The following TENM3 variants were observed in gnomAD, a reference collection of about 807,000 sequenced individuals.
TENM3 encodes the protein teneurin-3.
In TENM3, 63 loss-of-function variants were observed where a neutral mutation model predicts 255.1. The observed-to-expected ratio is 0.25, with a 90% confidence interval of 0.20 to 0.30. The LOEUF is 0.30. TENM3 is among the 10% of genes least tolerant of loss of function. The pLI is 1.00. For synonymous variants in TENM3, 1,306 were observed against 1,322.3 expected (o/e 0.99, Z 0.27); for missense variants, 2,929 against 3,461.1 (o/e 0.85, Z 3.86).
chr4:181,731,869 A>T, the TENM3 span, among the ~76,000 whole-genome samples: 6 of 152,202 alleles, frequency 3.9e-5, 1 homozygote, highest in African/African-American at 1.4e-4. Flanking sequence ...AATAAATTTT[A>T]CATGGAAAAT....
intron 1 of TENM3, among the ~76,000 whole-genome samples, chr4:182,162,851 C>T (rs777602649): frequency 3.3e-5 from 5 of 152,160 alleles, no homozygotes; most frequent in Admixed American, 2.0e-4. Context: ...GCAGAGCCTT[C>T]GCGGCCTAAT....
chr4:182,610,552 A>C (rs11726016), intron 4 of TENM3, among the ~76,000 whole-genome samples: 19 of 151,766 alleles, frequency 1.3e-4, no homozygotes, highest in African/African-American at 4.4e-4. Context: ...GTTTGGTAGC[A>C]TGTGCCTATA....
chr4:182,590,538 C>CAGA (rs1746502540), intron 3 of TENM3, among the ~76,000 whole-genome samples: 1 of 79,962 alleles, frequency 1.3e-5, no homozygotes, highest in African/African-American at 5.1e-5. Flanking sequence ...GACCCTGTCT[C>CAGA]AAAAAAAAAA....
the TENM3 span, among the ~76,000 whole-genome samples, chr4:181,658,729 T>G: frequency 6.6e-6 from 1 of 152,190 alleles, no homozygotes; most frequent in Non-Finnish European, 1.5e-5. Context: ...ATTGTATCTG[T>G]ATAGTAGATA....
At chr4:182,652,705 G>C (rs928940893) in intron 5 of TENM3, among the ~76,000 whole-genome samples, 1 of 152,150 alleles carries the variant, frequency 6.6e-6, no homozygotes, top group Non-Finnish European at 1.5e-5. Context: ...GACAGTGGTA[G>C]TCATCACACT....
the TENM3 span, among the ~76,000 whole-genome samples, chr4:182,107,812 T>A: frequency 1.3e-5 from 2 of 152,306 alleles, no homozygotes; most frequent in East Asian, 1.9e-4. Context: ...AGGGGTTCAG[T>A]CAGAGCCACT....
At chr4:181,623,661 G>A in the TENM3 span, among the ~76,000 whole-genome samples, 3 of 152,148 alleles carry the variant, frequency 2.0e-5, no homozygotes, top group South Asian at 2.1e-4. Flanking sequence ...AGGAGCTGCC[G>A]CTAAAATTAT....
the TENM3 span, among the ~76,000 whole-genome samples, chr4:182,082,470 C>T: frequency 0.01 from 1,523 of 152,260 alleles, 30 homozygotes; most frequent in African/African-American, 0.034. Flanking sequence ...ACCCAGCTTT[C>T]GCAATTATCA....
intron 1 of TENM3, among the ~76,000 whole-genome samples, chr4:182,235,742 T>C (rs1292016038): frequency 6.6e-6 from 1 of 152,178 alleles, no homozygotes; most frequent in African/African-American, 2.4e-5. Flanking sequence ...TGCTGAGCAC[T>C]TGACCCAATG....
chr4:181,754,500 T>G, the TENM3 span, among the ~76,000 whole-genome samples: 1 of 152,174 alleles, frequency 6.6e-6, no homozygotes, highest in Non-Finnish European at 1.5e-5. Flanking sequence ...TAAGAAAGAT[T>G]GTGAAATGGG....
chr4:182,194,502 C>T lies in TENM3; in HGVS notation c.-76+49748C>T, dbSNP rs138011761. On this transcript the variant is annotated intron_variant, in intron 1 of 2. Transcript: ENST00000512480. ...AGTTTACCTATAGCTTCTTCCACGA[C>T]GCTTCTTAAGATGAGGATTTCGCCT... Among the ~76,000 whole-genome samples the T allele has an allele frequency of 3.9e-3, 594 of 152,318 alleles. 3 individuals are homozygous for T. Among genetic ancestry groups the T allele is most frequent in the African/African-American group, 0.013 (539 of 41,564 alleles).
At chr4:182,747,968 T>C (rs529486032) in intron 19 of TENM3, among the ~76,000 whole-genome samples, 2 of 152,308 alleles carry the variant, frequency 1.3e-5, no homozygotes, top group South Asian at 4.1e-4. Flanking sequence ...TGTGACACAG[T>C]TTCCAACTCA....
the TENM3 span, among the ~76,000 whole-genome samples, chr4:181,512,361 T>C: frequency 6.6e-6 from 1 of 152,190 alleles, no homozygotes; most frequent in African/African-American, 2.4e-5. Flanking sequence ...TGCAGCAGCT[T>C]GCAGGAGCCA....
At chr4:182,638,845 C>T (rs1752064754) in intron 5 of TENM3, among the ~76,000 whole-genome samples, 1 of 152,180 alleles carries the variant, frequency 6.6e-6, no homozygotes, top group Admixed American at 6.5e-5. Context: ...TTCAGTAAGC[C>T]TCCACCTGCC....
the TENM3 span, among the ~76,000 whole-genome samples, chr4:181,557,154 A>G: frequency 3.9e-5 from 6 of 152,222 alleles, no homozygotes; most frequent in Non-Finnish European, 7.3e-5. Context: ...TACACAGAAC[A>G]TAACAGGCTC....
intron 1 of TENM3, among the ~76,000 whole-genome samples, chr4:182,262,855 A>C (rs922567290): frequency 6.6e-6 from 1 of 151,272 alleles, no homozygotes; most frequent in Non-Finnish European, 1.5e-5. Context: ...CTGGGACTAC[A>C]GGCACCCACC....
At chr4:181,802,124 T>C in the TENM3 span, among the ~76,000 whole-genome samples, 7 of 152,318 alleles carry the variant, frequency 4.6e-5, no homozygotes, top group South Asian at 8.3e-4. Flanking sequence ...ATACTTTTCA[T>C]TGATCGCAGT....
chr4:181,514,348 A>G, the TENM3 span, among the ~76,000 whole-genome samples: 2 of 152,220 alleles, frequency 1.3e-5, no homozygotes, highest in Non-Finnish European at 2.9e-5. Flanking sequence ...ATCATATTGA[A>G]AATTCCAGGT....
At chr4:182,232,980 ACGTCTTTGG>A (rs1345056652) in intron 1 of TENM3, among the ~76,000 whole-genome samples, 1 of 152,150 alleles carries the variant, frequency 6.6e-6, no homozygotes, top group Non-Finnish European at 1.5e-5. Context: ...TTTCCATTTA[ACGTCTTTGG>A]ACCATGGTTG....
Sources: allele counts gnomAD v4.1 joint callset (sites outside exome capture counted in the v4.1 genomes callset), GRCh38; gene constraint gnomAD v4.1.1; transcripts MANE v1.5; gene names NCBI Gene and HGNC (gene_info 2026-07-23, HGNC 2026-07-21).